The following LARGE1 variants were observed in gnomAD, a reference collection of about 807,000 sequenced individuals.
LARGE1 encodes the protein LARGE xylosyl- and glucuronyltransferase 1, also known as xylosyl- and glucuronyltransferase LARGE1.
A neutral mutation model predicts 87.6 loss-of-function variants in LARGE1; 43 were observed. The ratio of observed to expected loss-of-function variants is 0.49; its 90% CI spans 0.38 to 0.63. LARGE1 has a LOEUF of 0.63. Among genes scored for constraint, LARGE1 ranks in the 30% least tolerant of loss-of-function variants. The probability of loss-of-function intolerance (pLI) is 0.00; values close to 1 mark genes in which losing one functional copy is unlikely to be tolerated. For synonymous variants in LARGE1, 434 were observed against 394.6 expected (o/e 1.10, Z -1.18); for missense variants, 802 against 1,000.2 (o/e 0.80, Z 2.67).
At position 33,375,138 on chromosome 22, in the gene LARGE1, T is replaced by C. The variant is rs181470584; in HGVS notation, c.1131+6781A>G. 9.2e-5 allele frequency among the ~76,000 whole-genome samples: 14 copies of C among 152,284 alleles called. No individual in the cohort carries two copies. In the East Asian group the frequency reaches 2.3e-3, roughly 25 times the overall value. Reference sequence around the variant, plus strand: ...ATGAGATTAAGTAACTGATAATGTTTTTGACTTTTATTTAAAACACTGTTA... The same window carrying C: ...ATGAGATTAAGTAACTGATAATGTTCTTGACTTTTATTTAAAACACTGTTA... On this transcript the variant is annotated intron_variant, in intron 9 of 14. Coordinates refer to ENST00000397394, the MANE Select transcript of LARGE1 (RefSeq NM_133642.5).
chr22:33,701,551 C>T (rs528246281), intron 2 of LARGE1, among the ~76,000 whole-genome samples: 1 of 152,338 alleles, frequency 6.6e-6, no homozygotes. Flanking sequence ...TTACCATCCT[C>T]AGCTCTAGGT....
intron 6 of LARGE1, among the ~76,000 whole-genome samples, chr22:33,459,660 T>C (rs954132765): frequency 6.7e-6 from 1 of 148,220 alleles, no homozygotes; most frequent in Non-Finnish European, 1.5e-5. Context: ...AGCTGGTCCA[T>C]AGTGGCTCTG....
At chr22:33,774,016 T>A (rs529588028) in intron 1 of LARGE1, among the ~76,000 whole-genome samples, 18 of 149,124 alleles carry the variant, frequency 1.2e-4, no homozygotes, top group African/African-American at 4.5e-4. Flanking sequence ...AGGCTGTGTA[T>A]CTTGGAAAAG....
intron 11 of LARGE1, among the ~76,000 whole-genome samples, chr22:33,244,822 G>A (rs1926681637): frequency 6.6e-6 from 1 of 152,152 alleles, no homozygotes; most frequent in Admixed American, 6.5e-5. Context: ...TAATCATGGA[G>A]TGTACGTAAG....
intron 2 of LARGE1, among the ~76,000 whole-genome samples, chr22:33,758,809 G>T (rs2084617074): frequency 6.6e-6 from 1 of 152,024 alleles, no homozygotes; most frequent in Non-Finnish European, 1.5e-5. Flanking sequence ...TTTGCCTTTG[G>T]TGGCCATCCC....
intron 6 of LARGE1, among the ~76,000 whole-genome samples, chr22:33,553,932 G>A (rs1169451195): frequency 6.6e-6 from 1 of 152,158 alleles, no homozygotes; most frequent in African/African-American, 2.4e-5. Context: ...ACCCACAACT[G>A]ATAGAGAGGT....
At chr22:33,808,078 A>T (rs2086370586) in intron 1 of LARGE1, among the ~76,000 whole-genome samples, 1 of 152,264 alleles carries the variant, frequency 6.6e-6, no homozygotes. Flanking sequence ...TGAAATTGCC[A>T]AACTGTCTTC....
intron 6 of LARGE1, among the ~76,000 whole-genome samples, chr22:33,531,507 A>G (rs2072201437): frequency 6.6e-6 from 1 of 152,190 alleles, no homozygotes; most frequent in South Asian, 2.1e-4. Context: ...CTGGATGTGG[A>G]CACCACTGTG....
chr22:33,600,188 G>T (rs1374539731), intron 5 of LARGE1, among the ~76,000 whole-genome samples: 1 of 152,160 alleles, frequency 6.6e-6, no homozygotes, highest in Non-Finnish European at 1.5e-5. Flanking sequence ...TAGGGACCCA[G>T]CTCTAAATTC....
rs548927726 is a variant in LARGE1, at chr22:33,779,564, G to A, written c.-82-18006C>T. The stretch of plus-strand genomic sequence containing the variant: ...GGAGGCGGAGGTGGGTGGATCACCA[G>A]AGGTCAAGAGTTGGAGACCAGCCTG... On this transcript the variant is annotated intron_variant, in intron 1 of 14. Coordinates refer to ENST00000397394, the MANE Select transcript of LARGE1 (RefSeq NM_133642.5). Among the ~76,000 whole-genome samples, 107 of 152,252 alleles carry A rather than the reference G, an allele frequency of 7.0e-4. 3 individuals are homozygous for A. In the South Asian group the frequency reaches 0.013, roughly 19 times the overall value.
At chr22:33,336,443 G>T (rs934934375) in intron 10 of LARGE1, among the ~76,000 whole-genome samples, 39 of 151,890 alleles carry the variant, frequency 2.6e-4, no homozygotes, top group Non-Finnish European at 5.4e-4. Flanking sequence ...CAAGTGATCC[G>T]CCTGCCTCAG....
intron 6 of LARGE1, among the ~76,000 whole-genome samples, chr22:33,550,866 C>T (rs1446626003): frequency 6.6e-6 from 1 of 152,088 alleles, no homozygotes; most frequent in Non-Finnish European, 1.5e-5. Flanking sequence ...ACTATTTAGC[C>T]ACAAAAAAGA....
At position 33,163,162 on chromosome 22, in the gene LARGE1, C is replaced by T. The variant is rs1922093713; in HGVS notation, c.*3601G>A. The T allele has an allele frequency of 4.6e-5, 7 of 152,308 alleles. No homozygotes were observed. The South Asian group carries it at 1.4e-3, about 32-fold the overall frequency. 9.4% of individuals were successfully genotyped at this position (152,308 alleles called of 1,614,324 possible). ...ATGCATCATATAAATTATCACAGAT[C>T]CTTAACACAGTCGTCTTGGGCAGCC... On this transcript the variant is annotated 3_prime_UTR_variant, in exon 12 of 12. Transcript: ENST00000608642.
At chr22:33,816,725 CAGACA>C (rs1291609680) in intron 1 of LARGE1, among the ~76,000 whole-genome samples, 4 of 149,970 alleles carry the variant, frequency 2.7e-5, no homozygotes, top group African/African-American at 1.0e-4. Context: ...GACAGACAGA[CAGACA>C]GACAGATACA....
intron 4 of LARGE1, among the ~76,000 whole-genome samples, chr22:33,606,019 G>A (rs2055844151): frequency 6.6e-6 from 1 of 152,180 alleles, no homozygotes; most frequent in Admixed American, 6.5e-5. Flanking sequence ...CTGGGCCCAG[G>A]GTGTATTAGG....
downstream of LARGE1, among the ~76,000 whole-genome samples, chr22:33,271,481 C>T (rs1928240994): frequency 2.0e-5 from 3 of 152,222 alleles, no homozygotes; most frequent in Non-Finnish European, 4.4e-5. Context: ...TTACTGAAAA[C>T]ATCTCAGTTC....
At chr22:33,310,694 G>A (rs774579615) in intron 11 of LARGE1, among the ~76,000 whole-genome samples, 5 of 152,090 alleles carry the variant, frequency 3.3e-5, no homozygotes, top group Non-Finnish European at 5.9e-5. Context: ...CATCATAATC[G>A]GATGTGTTGA....
chr22:33,191,629 G>A (rs1398290668), intron 11 of LARGE1, among the ~76,000 whole-genome samples: 1 of 152,206 alleles, frequency 6.6e-6, no homozygotes, highest in African/African-American at 2.4e-5. Context: ...TACAGGTGCT[G>A]TTGAAATGTT....
chr22:33,715,156 G>T (rs1344342620), intron 2 of LARGE1, among the ~76,000 whole-genome samples: 1 of 152,138 alleles, frequency 6.6e-6, no homozygotes, highest in African/African-American at 2.4e-5. Flanking sequence ...AATCAAAAAT[G>T]GATGTCCAGA....
Sources: allele counts gnomAD v4.1 joint callset (sites outside exome capture counted in the v4.1 genomes callset), GRCh38; gene constraint gnomAD v4.1.1; transcripts MANE v1.5; gene names NCBI Gene and HGNC (gene_info 2026-07-23, HGNC 2026-07-21).